OPCML: variants seen among roughly 807,000 people sequenced by gnomAD.
OPCML encodes opioid-binding protein/cell adhesion molecule.
In OPCML, 13 loss-of-function variants were observed where a neutral mutation model predicts 37.8. The observed-to-expected ratio is 0.34, with a 90% CI of 0.22 to 0.55. The LOEUF (loss-of-function observed/expected upper bound fraction) is 0.55, where lower values mean the gene tolerates loss of function less well. Ranked by LOEUF, OPCML falls within the 20% of genes least tolerant of loss-of-function variation. The pLI is 0.91. For missense variants in OPCML, 341 were observed against 435.6 expected, an observed-to-expected ratio of 0.78 and a Z score of 1.93; for synonymous variants, 176 against 168.8, an observed-to-expected ratio of 1.04 and a Z score of -0.33.
At chr11:133,330,311 T>G (rs2136646064) in intron 1 of OPCML, among the ~76,000 whole-genome samples, 1 of 152,320 alleles carries the variant, frequency 6.6e-6, no homozygotes, top group Non-Finnish European at 1.5e-5. Context: ...AGAAATACCA[T>G]TTGACCCAGC....
chr11:133,101,460 T>G (rs1429429825), intron 1 of OPCML, among the ~76,000 whole-genome samples: 1 of 152,100 alleles, frequency 6.6e-6, no homozygotes, highest in Non-Finnish European at 1.5e-5. Flanking sequence ...ACAACCTGAT[T>G]TAAAAATTGC....
chr11:132,991,512 A>C (rs2136819256), intron 1 of OPCML, among the ~76,000 whole-genome samples: 1 of 152,326 alleles, frequency 6.6e-6, no homozygotes, highest in South Asian at 2.1e-4. Context: ...AATATTAACG[A>C]GCATCAATGA....
At position 132,943,994 on chromosome 11, in the gene OPCML, C is replaced by CGAG. The variant is rs2136680519; in HGVS notation, c.62-987_62-985dup. ...ACTTTCTCCCGGTGCCGCCTCGGAG[C>CGAG]GAGCGGGCTGGCGGGCGGCGCGGAC... On this transcript the variant is annotated intron_variant, in intron 1 of 7. Transcript: ENST00000524381. The surrounding 1 kb of genome is among the most constrained non-coding windows in gnomAD (Gnocchi z 4.3). 6.6e-6 allele frequency among the ~76,000 whole-genome samples: 1 copy of CGAG among 151,962 alleles called. No homozygotes were observed. The highest frequency in any genetic ancestry group is 2.4e-5 in the African/African-American group (1 of 41,546).
chr11:133,337,978 T>C (rs553070307), intron 1 of OPCML, among the ~76,000 whole-genome samples: 1 of 151,974 alleles, frequency 6.6e-6, no homozygotes, highest in East Asian at 2.0e-4. Flanking sequence ...CTGCTACCTG[T>C]GGAAGCCACA....
At chr11:132,435,955 T>C (rs868035441) in intron 7 of OPCML, 131 bp downstream of exon 7, 64 of 772,584 alleles carry the variant, frequency 8.3e-5, no homozygotes, top group Middle Eastern at 6.5e-4. Flanking sequence ...GAGAAGTATG[T>C]CTTATCTACA....
At chr11:133,068,412 G>A (rs9651672) in intron 1 of OPCML, among the ~76,000 whole-genome samples, 71,319 of 152,056 alleles carry the variant, frequency 0.47, 18,234 homozygotes, top group Middle Eastern at 0.61. Context: ...AATGGTAAAG[G>A]GGAAGGCCTG....
intron 2 of OPCML, among the ~76,000 whole-genome samples, chr11:132,742,211 G>A (rs1409205108): frequency 1.3e-5 from 2 of 152,092 alleles, no homozygotes; most frequent in Admixed American, 1.3e-4. Flanking sequence ...CACAAGAGTG[G>A]TCTTACTAGT....
At chr11:133,112,313 G>GAAAAAAAAAA (rs1565453484) in intron 1 of OPCML, among the ~76,000 whole-genome samples, 9 of 66,416 alleles carry the variant, frequency 1.4e-4, no homozygotes, top group Non-Finnish European at 2.6e-4. Context: ...AAAAAAAAGG[G>GAAAAAAAAAA]GAAAGAAACA....
At chr11:133,047,341 C>G (rs1306526791) in intron 1 of OPCML, among the ~76,000 whole-genome samples, 1 of 152,254 alleles carries the variant, frequency 6.6e-6, no homozygotes, top group Non-Finnish European at 1.5e-5. Context: ...GCTATTCATA[C>G]TATGGCTTCT....
chr11:133,217,226 T>A lies in OPCML; in HGVS notation c.62-274216A>T, dbSNP rs540817979. 2.0e-3 allele frequency among the ~76,000 whole-genome samples: 307 copies of A among 152,234 alleles called. 4 individuals are homozygous for A. The highest frequency in any genetic ancestry group is 6.4e-3 in the African/African-American group (267 of 41,534). On this transcript the variant is annotated intron_variant, in intron 1 of 7. Transcript: ENST00000524381. ...TTCAGAAGCCTCTCTTGGTCAGACG[T>A]TTCTAGCTCCCTGGTCTGATGCTCC... is the stretch of plus-strand genomic sequence containing the variant.
At chr11:132,994,371 G>A (rs1506881) in intron 1 of OPCML, among the ~76,000 whole-genome samples, 60,590 of 152,058 alleles carry the variant, frequency 0.4, 13,253 homozygotes, top group Non-Finnish European at 0.47. Context: ...GTGAGTACAC[G>A]GAGGAGGAGC....
chr11:132,539,711 T>G (rs547485107), intron 3 of OPCML, among the ~76,000 whole-genome samples: 36 of 151,710 alleles, frequency 2.4e-4, no homozygotes, highest in African/African-American at 8.2e-4. Context: ...TGATAATGGT[T>G]ATGGTGATGA....
At chr11:132,569,446 G>A (rs1178613302) in intron 3 of OPCML, among the ~76,000 whole-genome samples, 1 of 152,142 alleles carries the variant, frequency 6.6e-6, no homozygotes, top group East Asian at 1.9e-4. Context: ...GGCAGGCCTA[G>A]ACAAGTCATA....
chr11:133,339,435 G>A (rs534893664), intron 1 of OPCML, among the ~76,000 whole-genome samples: 10 of 152,254 alleles, frequency 6.6e-5, no homozygotes, highest in Admixed American at 3.9e-4. Context: ...ACCTCTCCAC[G>A]TGGCAGGGAG....
rs1945656290 is a variant in OPCML at position 132,943,495 on chromosome 11, T to G, written c.62-485A>C. 1 of 235,322 alleles carries G rather than the reference T, an allele frequency of 4.2e-6. No homozygotes were observed. Among genetic ancestry groups the G allele is most frequent in the Non-Finnish European group, 8.5e-6 (1 of 117,948 alleles). 14.6% of individuals were successfully genotyped at this position (235,322 alleles called of 1,614,324 possible). On this transcript the variant is annotated intron_variant, in intron 1 of 7. Coordinates refer to ENST00000524381, the MANE Select transcript of OPCML (RefSeq NM_001012393.5). This position sits in a 1 kb window ranked among gnomAD's most constrained non-coding sequence, Gnocchi z 4.3. Reference sequence around the variant, plus strand: ...TCTGCAGAGCTCTGGCATCAAAAGTTTATAACCCAAAGAAGAAGGCAAGTG... The same window carrying G: ...TCTGCAGAGCTCTGGCATCAAAAGTGTATAACCCAAAGAAGAAGGCAAGTG...
chr11:133,219,164 G>T (rs1939709072), intron 1 of OPCML, among the ~76,000 whole-genome samples: 1 of 152,178 alleles, frequency 6.6e-6, no homozygotes, highest in African/African-American at 2.4e-5. Context: ...AAGAAACACG[G>T]CTTCTCTCAG....
chr11:132,552,991 C>T (rs2096385809), intron 3 of OPCML, among the ~76,000 whole-genome samples: 1 of 152,062 alleles, frequency 6.6e-6, no homozygotes, highest in Admixed American at 6.5e-5. Flanking sequence ...GTCTCAATCT[C>T]CTGACCTCGT....
At chr11:132,496,628 T>G (rs1021713010) in intron 4 of OPCML, among the ~76,000 whole-genome samples, 1 of 152,158 alleles carries the variant, frequency 6.6e-6, no homozygotes, top group Admixed American at 6.5e-5. Context: ...CTCTCATCAC[T>G]CAATAAATTC....
intron 3 of OPCML, among the ~76,000 whole-genome samples, chr11:132,601,187 G>A (rs182399049): frequency 1.4e-4 from 21 of 152,038 alleles, no homozygotes; most frequent in African/African-American, 4.8e-4. Context: ...CCCCCATGTG[G>A]GCACAGCTGT....
Sources: allele counts gnomAD v4.1 joint callset (sites outside exome capture counted in the v4.1 genomes callset), GRCh38; gene constraint gnomAD v4.1.1; non-coding constraint Gnocchi (gnomAD v3.1); transcripts MANE v1.5; gene names NCBI Gene and HGNC (gene_info 2026-07-23, HGNC 2026-07-21).